SRGAP3: variants seen among roughly 807,000 people sequenced by gnomAD.
The protein encoded by SRGAP3 is SLIT-ROBO Rho GTPase activating protein 3.
In SRGAP3, 39 loss-of-function variants were observed where a neutral mutation model predicts 121.1. The ratio of observed to expected loss-of-function variants is 0.32; its 90% CI spans 0.25 to 0.42. SRGAP3 has a LOEUF of 0.42. Ranked by LOEUF, SRGAP3 falls within the 10% of genes least tolerant of loss-of-function variation. The pLI is 1.00. For missense variants in SRGAP3, 1,213 were observed against 1,470.6 expected (o/e 0.82, Z 2.86); for synonymous variants, 601 against 570.0 (o/e 1.05, Z -0.77).
At chr3:8,993,458 G>A (rs1414918611) in intron 19 of SRGAP3, among the ~76,000 whole-genome samples, 1 of 152,204 alleles carries the variant, frequency 6.6e-6, no homozygotes, top group Non-Finnish European at 1.5e-5. Flanking sequence ...GGCTAAGCAA[G>A]GGAGGAAGAA....
At chr3:8,997,912 A>C (rs1942509169) in intron 18 of SRGAP3, among the ~76,000 whole-genome samples, 1 of 150,570 alleles carries the variant, frequency 6.6e-6, no homozygotes, top group African/African-American at 2.5e-5. Context: ...ACAGGGTCTC[A>C]CTCTGTCACC....
At chr3:9,344,153 CT>C (rs1408928977) in intron 1 of SRGAP3, among the ~76,000 whole-genome samples, 1 of 151,898 alleles carries the variant, frequency 6.6e-6, no homozygotes, top group Non-Finnish European at 1.5e-5. Context: ...AAGCCGATCT[CT>C]ACTAAAAATA....
At chr3:9,207,311 G>A (rs994421076) in intron 1 of SRGAP3, among the ~76,000 whole-genome samples, 14 of 152,196 alleles carry the variant, frequency 9.2e-5, no homozygotes, top group Non-Finnish European at 1.9e-4. Flanking sequence ...CACACACCTA[G>A]ACAGTGGCAA....
chr3:9,119,875 C>A (rs550888263), intron 2 of SRGAP3, among the ~76,000 whole-genome samples: 1 of 152,352 alleles, frequency 6.6e-6, no homozygotes, highest in African/African-American at 2.4e-5. Context: ...CTGGGACTGT[C>A]CAGACCAGGC....
At position 9,073,138 on chromosome 3, in the gene SRGAP3, T is replaced by A. The variant is rs192248361; in HGVS notation, c.486+6887A>T. Among the ~76,000 whole-genome samples the A allele has an allele frequency of 3.3e-5, 5 of 152,324 alleles. No homozygotes were observed. The East Asian group carries it at 9.7e-4, about 29-fold the overall frequency. On this transcript the variant is annotated intron_variant, in intron 4 of 21. Coordinates refer to ENST00000383836, the MANE Select transcript of SRGAP3 (RefSeq NM_014850.4). The stretch of plus-strand genomic sequence containing the variant: ...AAATGCAGGTTCGTAGTTTATTTTT[T>A]AACTTTAAATTTTAATTCTTTTTAA...
At chr3:9,023,780 G>T (rs982674036) in intron 14 of SRGAP3, among the ~76,000 whole-genome samples, 3 of 152,110 alleles carry the variant, frequency 2.0e-5, no homozygotes, top group African/African-American at 7.2e-5. Flanking sequence ...GAGGTCCTGG[G>T]GCTCCCTGGT....
chr3:9,296,534 A>C (rs1954956991), intron 3 of SRGAP3, among the ~76,000 whole-genome samples: 1 of 152,226 alleles, frequency 6.6e-6, no homozygotes, highest in Non-Finnish European at 1.5e-5. Context: ...CTTTTTGTAG[A>C]AATGGTACAT....
chr3:9,095,908 A>C (rs1323718543), intron 3 of SRGAP3, among the ~76,000 whole-genome samples: 2 of 151,890 alleles, frequency 1.3e-5, no homozygotes, highest in Admixed American at 1.3e-4. Flanking sequence ...TCTGTACAAA[A>C]ACTGGAAAAA....
intron 3 of SRGAP3, among the ~76,000 whole-genome samples, chr3:9,286,154 ACACACAC>A (rs1283433011): frequency 2.0e-5 from 3 of 149,072 alleles, no homozygotes; most frequent in African/African-American, 7.5e-5. Context: ...ACACACACAC[ACACACAC>A]ATTTATCTGT....
chr3:9,355,095 G>A (rs559253870), intron 1 of SRGAP3, among the ~76,000 whole-genome samples: 28 of 152,276 alleles, frequency 1.8e-4, no homozygotes, highest in Admixed American at 1.5e-3. Context: ...CCATGCATCT[G>A]TCAGCAGGAC....
intron 1 of SRGAP3, among the ~76,000 whole-genome samples, chr3:9,224,787 G>A (rs1239267467): frequency 2.0e-5 from 3 of 152,240 alleles, no homozygotes; most frequent in East Asian, 1.9e-4. Flanking sequence ...TCTCCTAAGT[G>A]AGAAGCCTGC....
chr3:9,158,055 G>T (rs567068845), intron 1 of SRGAP3, among the ~76,000 whole-genome samples: 2 of 152,292 alleles, frequency 1.3e-5, no homozygotes, highest in South Asian at 4.1e-4. Context: ...GCCCCTGGCT[G>T]AGCCCACCAG....
intron 6 of SRGAP3, 133 bp from the exon 7 acceptor site, chr3:9,058,605 CT>C: frequency 1.1e-6 from 1 of 913,534 alleles, no homozygotes; most frequent in Non-Finnish European, 1.7e-6. Context: ...CCCCAAGGCA[CT>C]TTGGAATCCT....
chr3:9,013,591 GTTTT>G, intron 16 of SRGAP3, 56 bp from the exon 17 acceptor site: 1 of 1,591,442 alleles, frequency 6.3e-7, no homozygotes, highest in Non-Finnish European at 8.6e-7. Context: ...CTCCCCCTGT[GTTTT>G]TTTTCTTTTG....
chr3:8,996,542 T>C (rs1460505963), intron 18 of SRGAP3, among the ~76,000 whole-genome samples: 1 of 152,158 alleles, frequency 6.6e-6, no homozygotes, highest in East Asian at 1.9e-4. Context: ...TATTCTAACC[T>C]GGGTGTTGGG....
At chr3:9,253,968 G>A (rs1954070961), upstream of SRGAP3, among the ~76,000 whole-genome samples, 1 of 152,106 alleles carries the variant, frequency 6.6e-6, no homozygotes, top group Non-Finnish European at 1.5e-5. Context: ...TTCCAACTGT[G>A]TCACAAAACC....
intron 3 of SRGAP3, among the ~76,000 whole-genome samples, chr3:9,271,206 C>T (rs1363398481): frequency 3.3e-5 from 5 of 152,154 alleles, no homozygotes; most frequent in African/African-American, 4.8e-5. Flanking sequence ...TGGTGGCATG[C>T]GCCTGTAATC....
rs76957770 is a variant in SRGAP3 at position 8,982,841 on chromosome 3, G to GA, written c.*2677dup. 2,385 of 196,776 alleles carry GA rather than the reference G, an allele frequency of 0.012. No homozygotes were observed. Among genetic ancestry groups the GA allele is most frequent in the Middle Eastern group, 0.035 (22 of 624 alleles). 12.2% of individuals were successfully genotyped at this position (196,776 alleles called of 1,614,324 possible). ...TGAACTCATCAGCCATTTCCCAATG[G>GA]AAAAAAAAAAAAAAGGTGCTTAAAG... On this transcript the variant is annotated 3_prime_UTR_variant, in exon 22 of 22. Coordinates refer to ENST00000383836, the MANE Select transcript of SRGAP3 (RefSeq NM_014850.4).
rs1946965582 is a variant in SRGAP3 at position 9,076,147 on chromosome 3, A to C, written c.486+3878T>G. Reference sequence around the variant, plus strand: ...CTTTTTCTTTTTTTAATTGACCAGAAAACTGCAGCCACAGGAGTGGCCCCA... The same window carrying C: ...CTTTTTCTTTTTTTAATTGACCAGACAACTGCAGCCACAGGAGTGGCCCCA... On this transcript the variant is annotated intron_variant, in intron 4 of 21. Coordinates refer to ENST00000383836, the MANE Select transcript of SRGAP3 (RefSeq NM_014850.4). Among the ~76,000 whole-genome samples, 5 of 152,124 alleles carry C rather than the reference A, an allele frequency of 3.3e-5. No individual in the cohort carries two copies. In the South Asian group the frequency reaches 1.0e-3, roughly 32 times the overall value.
Sources: gnomAD v4.1 joint callset for allele counts (sites outside exome capture counted in the v4.1 genomes callset) on GRCh38, gnomAD v4.1.1 for gene constraint, MANE v1.5 for transcripts, NCBI Gene and HGNC (gene_info 2026-07-23, HGNC 2026-07-21) for gene names.